The following ZNF106 variants were observed in gnomAD, a reference collection of about 807,000 sequenced individuals.
ZNF106 encodes the protein zinc finger protein 106.
Under a neutral mutation model 195.1 loss-of-function variants are expected in ZNF106, and 67 were observed. The observed-to-expected ratio is 0.34, with a 90% CI of 0.28 to 0.42. ZNF106 has a LOEUF of 0.42. Ranked by LOEUF, ZNF106 falls within the 10% of genes least tolerant of loss-of-function variation. The pLI is 1.00. For missense variants in ZNF106, 2,118 were observed against 2,304.5 expected, an observed-to-expected ratio of 0.92 and a Z score of 1.66; for synonymous variants, 784 against 818.6, an observed-to-expected ratio of 0.96 and a Z score of 0.72.
Position 42,438,499 on chromosome 15 carries a change from C to T in ZNF106, c.4600+113G>A, listed in dbSNP as rs1195343625. ...AAGGCAATCCTCTTGGTGATAAACC[C>T]CTCCCCATTCTCCTATTCTATAAAT... On this transcript the variant is annotated intron_variant, in intron 12 of 21. Coordinates refer to ENST00000564754, the MANE Select transcript of ZNF106 (RefSeq NM_001366845.3). The T allele has an allele frequency of 1.6e-5, 15 of 911,594 alleles. No individual in the cohort carries two copies. In the Admixed American group the frequency reaches 3.3e-4, roughly 20 times the overall value. 56.5% of individuals were successfully genotyped at this position (911,594 alleles called of 1,614,324 possible).
intron 3 of ZNF106, among the ~76,000 whole-genome samples, chr15:42,461,000 G>C (rs59539641): frequency 9.0e-4 from 130 of 144,156 alleles, no homozygotes; most frequent in African/African-American, 3.7e-3. Context: ...ACTTCAAAAA[G>C]AGAAACTTCA....
chr15:42,484,092 T>C (rs1187997683), intron 1 of ZNF106, among the ~76,000 whole-genome samples: 2 of 152,208 alleles, frequency 1.3e-5, no homozygotes, highest in East Asian at 1.9e-4. Context: ...TTTTCATTCA[T>C]ACATAAAAAT....
At chr15:42,447,250 C>T (rs1355230878) in intron 6 of ZNF106, among the ~76,000 whole-genome samples, 2 of 152,170 alleles carry the variant, frequency 1.3e-5, no homozygotes, top group South Asian at 4.1e-4. Context: ...CACAGTGACA[C>T]ATGCTTGTAG....
Position 42,439,642 on chromosome 15 carries a change from C to T in ZNF106, c.3935G>A (p.Ser1312Asn), listed in dbSNP as rs762791942. 1 of 1,613,900 alleles carries T rather than the reference C, an allele frequency of 6.2e-7. No individual in the cohort carries two copies. The highest frequency in any genetic ancestry group is 8.5e-7 in the Non-Finnish European group (1 of 1,179,946). The stretch of plus-strand genomic sequence containing the variant: ...TGGCTCTTCCCCTTCTTTATTTATG[C>T]TAGAAAGACCAGCTGATTGGGAAGA... ...SPSSQSAGLSSINKEGEEPTK... is the reference protein window; with the variant it reads ...SPSSQSAGLSNINKEGEEPTK... Residue 1312 changes from serine (S) to asparagine (N), a missense_variant, in exon 11 of 22, where the codon AGC (serine) becomes AAC (asparagine). Transcript: ENST00000564754.
chr15:42,440,693 A>G (rs2055465958), intron 10 of ZNF106, among the ~76,000 whole-genome samples: 2 of 151,986 alleles, frequency 1.3e-5, no homozygotes, highest in Admixed American at 1.3e-4. Flanking sequence ...TTTTAAAAAT[A>G]TGCTAGGGGC....
intron 4 of ZNF106, among the ~76,000 whole-genome samples, chr15:42,455,761 G>C (rs541431478): frequency 5.9e-5 from 9 of 152,126 alleles, no homozygotes; most frequent in African/African-American, 2.2e-4. Context: ...GGTACAGACG[G>C]GGTATAACTA....
rs147377811 is a variant in ZNF106, at chr15:42,428,021, T to A, written c.4995A>T (p.Ile1665=). The A allele has an allele frequency of 6.2e-7, 1 of 1,613,000 alleles. No homozygotes were observed. The highest frequency in any genetic ancestry group is 8.5e-7 in the Non-Finnish European group (1 of 1,179,118). Residue 1665 remains isoleucine, a synonymous_variant, in exon 15 of 22, where the codon ATA becomes ATT. Transcript: ENST00000564754. ...CTTTTCTCCTCCAACCACTAACCTTTATGTTGAAGGTGACCACAGTGCCAT... is the reference window on the plus strand; with the variant it reads ...CTTTTCTCCTCCAACCACTAACCTTAATGTTGAAGGTGACCACAGTGCCAT... ...LANGTVVTFN[I]KNNKRLEIFE...
At chr15:42,432,732 T>A (rs1311115510) in intron 14 of ZNF106, among the ~76,000 whole-genome samples, 3 of 149,524 alleles carry the variant, frequency 2.0e-5, no homozygotes, top group Non-Finnish European at 4.4e-5. Context: ...AAAAAAAATT[T>A]AATTGGCAAA....
At chr15:42,473,864 G>A (rs1051782462) in intron 1 of ZNF106, among the ~76,000 whole-genome samples, 3 of 152,172 alleles carry the variant, frequency 2.0e-5, no homozygotes, top group Non-Finnish European at 2.9e-5. Context: ...AAGTGATGCT[G>A]TATAACTTAA....
At chr15:42,469,911 C>A (rs1429787320) in intron 2 of ZNF106, among the ~76,000 whole-genome samples, 1 of 151,354 alleles carries the variant, frequency 6.6e-6, no homozygotes, top group Non-Finnish European at 1.5e-5. Flanking sequence ...GATCCACAGG[C>A]ACAGGATTAA....
chr15:42,436,695 T>G (rs2055285411), intron 13 of ZNF106, among the ~76,000 whole-genome samples: 1 of 152,222 alleles, frequency 6.6e-6, no homozygotes, highest in African/African-American at 2.4e-5. Flanking sequence ...TGTGAGGCAG[T>G]GGAAAAGTGT....
rs770789769 is a variant in ZNF106 at position 42,439,751 on chromosome 15, A to C, written c.3826T>G (p.Ser1276Ala). 3 of 1,610,584 alleles carry C rather than the reference A, an allele frequency of 1.9e-6. No individual in the cohort carries two copies. Among genetic ancestry groups the C allele is most frequent in the African/African-American group, 2.7e-5 (2 of 74,818 alleles). The change falls in exon 11 of 22, where the codon TCA (serine) becomes GCA (alanine). Residue 1276 changes from serine (S) to alanine (A), a missense_variant. Ser to Ala is a moderately conservative substitution (Grantham distance 99). Coordinates refer to ENST00000564754, the MANE Select transcript of ZNF106 (RefSeq NM_001366845.3). Reference sequence around the variant, plus strand: ...CTAGGCTCATGGAAACTTTCTGTTGACTCTGGTAAGGACAATCTAGCAGTG... The same window carrying C: ...CTAGGCTCATGGAAACTTTCTGTTGCCTCTGGTAAGGACAATCTAGCAGTG... ...VITARLSLPESTESFHEPSQE... is the reference protein window; with the variant it reads ...VITARLSLPEATESFHEPSQE...
intron 2 of ZNF106, among the ~76,000 whole-genome samples, chr15:42,471,013 A>G (rs879815118): frequency 8.5e-5 from 13 of 152,198 alleles, no homozygotes; most frequent in Admixed American, 5.9e-4. Flanking sequence ...TCGACCCTTC[A>G]GTCTGGCATC....
chr15:42,454,360 T>C (rs755141644), intron 4 of ZNF106, among the ~76,000 whole-genome samples: 9 of 152,180 alleles, frequency 5.9e-5, no homozygotes, highest in Non-Finnish European at 1.2e-4. Context: ...TTTGATTCTA[T>C]GCAATATGCA....
intron 3 of ZNF106, among the ~76,000 whole-genome samples, chr15:42,458,200 TAAAA>T (rs373411904): frequency 1.3e-5 from 2 of 148,346 alleles, no homozygotes; most frequent in African/African-American, 4.9e-5. Flanking sequence ...GCCAATCTAT[TAAAA>T]AAAAAACCAA....
chr15:42,450,445 T>C lies in ZNF106; in HGVS notation c.1827A>G (p.Leu609=). The change falls in exon 5 of 22, where the codon CTA becomes CTG. Residue 609 remains leucine (L), a synonymous_variant. Transcript: ENST00000564754. ...ATGTCTCTCCATCACTTTCATCTTCTAGTGCGTGCACTTGAAACTCAATTT... is the reference window on the plus strand; with the variant it reads ...ATGTCTCTCCATCACTTTCATCTTCCAGTGCGTGCACTTGAAACTCAATTT... The part of the protein sequence containing the change: ...SLKIEFQVHA[L]EDESDGETSD... The C allele has an allele frequency of 6.2e-7, 1 of 1,614,196 alleles. No homozygotes were observed. Among genetic ancestry groups the C allele is most frequent in the Non-Finnish European group, 8.5e-7 (1 of 1,180,040 alleles).
At chr15:42,471,948 C>T (rs1462640248) in intron 2 of ZNF106, among the ~76,000 whole-genome samples, 1 of 152,178 alleles carries the variant, frequency 6.6e-6, no homozygotes. Flanking sequence ...TTTAAGGTAT[C>T]TTCCCTATAA....
chr15:42,425,074 T>C, intron 15 of ZNF106, 49 bp from the exon 16 acceptor site: 7 of 1,574,912 alleles, frequency 4.4e-6, no homozygotes, highest in Non-Finnish European at 6.1e-6. Context: ...GCTGGAAAAT[T>C]CAACTAACCA....
chr15:42,489,992 T>A (rs1016103942), intron 1 of ZNF106, among the ~76,000 whole-genome samples: 1 of 151,756 alleles, frequency 6.6e-6, no homozygotes, highest in South Asian at 2.1e-4. Context: ...TGAGCCAAGA[T>A]CCCGCCACTG....
Sources: allele counts gnomAD v4.1 joint callset (sites outside exome capture counted in the v4.1 genomes callset), GRCh38; gene constraint gnomAD v4.1.1; transcripts MANE v1.5; gene names NCBI Gene and HGNC (gene_info 2026-07-23, HGNC 2026-07-21).